Variants in N4BP2L2 observed in about 807,000 individuals in gnomAD.
The protein encoded by N4BP2L2 is NEDD4 binding protein 2 like 2.
In N4BP2L2, 50 loss-of-function variants were observed where a neutral mutation model predicts 56.2. That is an observed-to-expected ratio of 0.89 (90% confidence interval 0.71 to 1.13). The LOEUF (loss-of-function observed/expected upper bound fraction) is 1.13. N4BP2L2 is among the 50% of genes most tolerant of loss of function. The probability of loss-of-function intolerance (pLI) is 0.00; values close to 1 mark genes in which losing one functional copy is unlikely to be tolerated. For synonymous variants in N4BP2L2, 203 were observed against 223.6 expected (o/e 0.91, Z 0.82); for missense variants, 689 against 693.8 (o/e 0.99, Z 0.08).
chr13:32,474,455 C>G (rs759099931), intron 6 of N4BP2L2, among the ~76,000 whole-genome samples: 14 of 151,326 alleles, frequency 9.3e-5, no homozygotes, highest in Non-Finnish European at 1.9e-4. Context: ...TTTGGGAGGC[C>G]GAGGTGGGCG....
chr13:32,468,952 A>C (rs1284228037), intron 6 of N4BP2L2, among the ~76,000 whole-genome samples: 2 of 152,244 alleles, frequency 1.3e-5, no homozygotes, highest in Non-Finnish European at 2.9e-5. Context: ...CAGGAGCTGC[A>C]GAGCTGGAGC....
intron 1 of N4BP2L2, among the ~76,000 whole-genome samples, chr13:32,537,825 C>T (rs1426567983): frequency 6.6e-6 from 1 of 152,170 alleles, no homozygotes; most frequent in African/African-American, 2.4e-5. Flanking sequence ...GTAATCCCAG[C>T]ACTTGGGAGG....
chr13:32,452,667 T>C (rs959825386), intron 6 of N4BP2L2, among the ~76,000 whole-genome samples: 2 of 152,214 alleles, frequency 1.3e-5, no homozygotes, highest in Admixed American at 1.3e-4. Context: ...TTTTTATCTA[T>C]GTACTTAAAA....
intron 1 of N4BP2L2, 70 bp from the exon 2 acceptor site, chr13:32,537,097 A>G: frequency 9.2e-7 from 1 of 1,083,358 alleles, no homozygotes; most frequent in Non-Finnish European, 1.2e-6. Flanking sequence ...TTCTTCAAAA[A>G]CAAGAAATTA....
intron 6 of N4BP2L2, among the ~76,000 whole-genome samples, chr13:32,481,025 C>G: frequency 7.1e-6 from 1 of 140,046 alleles, no homozygotes; most frequent in South Asian, 2.3e-4. Flanking sequence ...AGGCTGAGGC[C>G]GGAGAATCAC....
At chr13:32,520,986 T>C (rs2050730905) in intron 5 of N4BP2L2, among the ~76,000 whole-genome samples, 1 of 152,224 alleles carries the variant, frequency 6.6e-6, no homozygotes, top group African/African-American at 2.4e-5. Context: ...GATTATAACA[T>C]GCTCCCCCAA....
At chr13:32,529,086 A>C (rs1371334696) in intron 2 of N4BP2L2, among the ~76,000 whole-genome samples, 1 of 152,234 alleles carries the variant, frequency 6.6e-6, no homozygotes, top group East Asian at 1.9e-4. Context: ...ACAAGGAAAA[A>C]AGTCTGTACA....
intron 6 of N4BP2L2, among the ~76,000 whole-genome samples, chr13:32,475,435 C>T (rs1025169913): frequency 6.6e-6 from 1 of 152,140 alleles, no homozygotes; most frequent in African/African-American, 2.4e-5. Context: ...TTGGCTAGCA[C>T]GAATGTGCCA....
chr13:32,464,551 C>G (rs944478397), intron 6 of N4BP2L2, among the ~76,000 whole-genome samples: 4 of 152,182 alleles, frequency 2.6e-5, no homozygotes, highest in Admixed American at 2.0e-4. Context: ...CTATTTCACT[C>G]TTCTAGCACT....
At chr13:32,500,511 G>T (rs1218096019) in intron 6 of N4BP2L2, among the ~76,000 whole-genome samples, 1 of 142,690 alleles carries the variant, frequency 7.0e-6, no homozygotes, top group East Asian at 2.1e-4. Context: ...TTGAAGCCAG[G>T]AGTTCAAGAC....
intron 6 of N4BP2L2, among the ~76,000 whole-genome samples, chr13:32,454,007 T>C (rs1034677994): frequency 3.3e-5 from 5 of 152,102 alleles, no homozygotes; most frequent in Non-Finnish European, 2.9e-5. Flanking sequence ...GAAGAAAAGA[T>C]GAGAAGTGAG....
In N4BP2L2 at chr13:32,522,163, T is replaced by C. The variant is rs755395190; in HGVS notation, c.1473+19A>G. On this transcript the variant is annotated intron_variant, in intron 4 of 5. Coordinates refer to ENST00000267068, the Ensembl canonical transcript of N4BP2L2. ...TGACAAGAATAAAAAATAAAAACTTTCTCATGTTTCATATTTACCACTTCC... is the reference window on the plus strand; with the variant it reads ...TGACAAGAATAAAAAATAAAAACTTCCTCATGTTTCATATTTACCACTTCC... 20 of 1,457,520 alleles carry C rather than the reference T, an allele frequency of 1.4e-5. No homozygotes were observed. In the Admixed American group the frequency reaches 4.1e-4, roughly 30 times the overall value. The allele number at this position is 1,457,520 out of a possible 1,614,324, so 90.3% of individuals were successfully genotyped here.
chr13:32,470,054 G>A (rs2082016886), intron 6 of N4BP2L2, among the ~76,000 whole-genome samples: 1 of 152,182 alleles, frequency 6.6e-6, no homozygotes, highest in South Asian at 2.1e-4. Flanking sequence ...CAGTGAAAGT[G>A]AGACCTGTAT....
intron 1 of N4BP2L2, among the ~76,000 whole-genome samples, chr13:32,537,981 G>A (rs2056976269): frequency 6.7e-6 from 1 of 149,130 alleles, no homozygotes; most frequent in African/African-American, 2.5e-5. Context: ...GCGGTGGGAG[G>A]ATCGCTTGAA....
At chr13:32,536,031 G>C (rs777527347) in exon 2 of N4BP2L2, 7 of 1,613,896 alleles carry the variant, frequency 4.3e-6, no homozygotes, top group East Asian at 2.2e-5. Flanking sequence ...TCATTGTTCT[G>C]ATCAAAAGTC....
chr13:32,534,364 T>C (rs2055930547), intron 2 of N4BP2L2, among the ~76,000 whole-genome samples: 3 of 152,216 alleles, frequency 2.0e-5, no homozygotes, highest in Non-Finnish European at 4.4e-5. Context: ...AAATCTAACT[T>C]TTCTTCCTTA....
intron 6 of N4BP2L2, among the ~76,000 whole-genome samples, chr13:32,493,302 G>GTTTGA (rs2087650489): frequency 2.6e-5 from 4 of 151,868 alleles, no homozygotes; most frequent in Non-Finnish European, 5.9e-5. Context: ...CTTTGATTCA[G>GTTTGA]TTCTCATGCC....
At chr13:32,473,492 G>A (rs1184658807) in intron 6 of N4BP2L2, among the ~76,000 whole-genome samples, 2 of 152,146 alleles carry the variant, frequency 1.3e-5, no homozygotes. Context: ...GCTGTAATAA[G>A]TGACTGTGTA....
At chr13:32,439,903 G>A (rs1203237257) in intron 7 of N4BP2L2, among the ~76,000 whole-genome samples, 1 of 150,370 alleles carries the variant, frequency 6.7e-6, no homozygotes, top group Non-Finnish European at 1.5e-5. Flanking sequence ...GCGGGCACCT[G>A]TAATCCCACC....
Sources: gnomAD v4.1 joint callset for allele counts (sites outside exome capture counted in the v4.1 genomes callset) on GRCh38, gnomAD v4.1.1 for gene constraint, MANE v1.5 for transcripts, NCBI Gene and HGNC (gene_info 2026-07-23, HGNC 2026-07-21) for gene names.